PAN3: variants seen among roughly 807,000 people sequenced by gnomAD.
PAN3 encodes poly(A) specific ribonuclease subunit PAN3.
In PAN3, 19 loss-of-function variants were observed where a neutral mutation model predicts 96.2. The observed-to-expected ratio is 0.20, with a 90% CI of 0.14 to 0.29. PAN3 has a LOEUF of 0.29. PAN3 is among the 10% of genes least tolerant of loss of function. PAN3 has a pLI of 1.00. For synonymous variants in PAN3, 433 were observed against 406.6 expected, an observed-to-expected ratio of 1.06 and a Z score of -0.78; for missense variants, 882 against 1,108.1, an observed-to-expected ratio of 0.80 and a Z score of 2.90.
Position 28,143,096 on chromosome 13 carries a change from T to TTTTTTG in PAN3, c.430+4033_430+4038dup, listed in dbSNP as rs779722267. 3.5e-3 allele frequency among the ~76,000 whole-genome samples: 537 copies of TTTTTTG among 152,084 alleles called. 4 individuals carry two copies. Among genetic ancestry groups the TTTTTTG allele is most frequent in the African/African-American group, 0.012 (515 of 41,402 alleles). ...ACCTTATAAGGAAACTGCAATTTGATTTTTTGTTTTTGTTTTTGTTTTTGT... is the reference window on the plus strand; with the variant it reads ...ACCTTATAAGGAAACTGCAATTTGATTTTTTGTTTTTGTTTTTGTTTTTGTTTTTGT... On this transcript the variant is annotated intron_variant, in intron 1 of 18. Coordinates refer to ENST00000380958, the MANE Select transcript of PAN3 (RefSeq NM_175854.8).
chr13:28,207,043 A>G (rs1879458260), intron 5 of PAN3, among the ~76,000 whole-genome samples: 1 of 152,190 alleles, frequency 6.6e-6, no homozygotes, highest in Non-Finnish European at 1.5e-5. Context: ...CCCCTCTCAC[A>G]GAGGCAGGGC....
At chr13:28,155,558 C>T (rs1400928252) in intron 1 of PAN3, among the ~76,000 whole-genome samples, 2 of 151,922 alleles carry the variant, frequency 1.3e-5, no homozygotes, top group African/African-American at 4.8e-5. Context: ...CAGTGCGCTC[C>T]AGCCTGGGCA....
chr13:28,142,261 A>G (rs771012387), intron 1 of PAN3, among the ~76,000 whole-genome samples: 1 of 152,136 alleles, frequency 6.6e-6, no homozygotes, highest in Non-Finnish European at 1.5e-5. Flanking sequence ...TTTTACACTT[A>G]TTGTTCATTT....
At chr13:28,225,185 A>C (rs537835335) in intron 6 of PAN3, among the ~76,000 whole-genome samples, 4 of 152,294 alleles carry the variant, frequency 2.6e-5, no homozygotes, top group African/African-American at 9.6e-5. Flanking sequence ...TTTTAAATAA[A>C]CATTTTTAGC....
At chr13:28,165,096 C>T (rs1457600620) in intron 1 of PAN3, among the ~76,000 whole-genome samples, 6 of 151,970 alleles carry the variant, frequency 3.9e-5, no homozygotes, top group African/African-American at 1.2e-4. Flanking sequence ...TTAGTAGAGA[C>T]GGGGTTTCAC....
chr13:28,219,191 T>C (rs542141353), intron 5 of PAN3, among the ~76,000 whole-genome samples: 16 of 152,324 alleles, frequency 1.1e-4, no homozygotes, highest in Middle Eastern at 3.4e-3. Flanking sequence ...TTGGAAAATA[T>C]AGCCTCAGAC....
intron 7 of PAN3, among the ~76,000 whole-genome samples, chr13:28,257,191 G>A (rs560676232): frequency 2.0e-4 from 30 of 152,094 alleles, no homozygotes; most frequent in Middle Eastern, 3.4e-3. Flanking sequence ...GACCAAAAGA[G>A]GAAGAACATG....
intron 1 of PAN3, among the ~76,000 whole-genome samples, chr13:28,171,126 C>G (rs529399782): frequency 6.6e-6 from 1 of 152,198 alleles, no homozygotes; most frequent in Admixed American, 6.5e-5. Flanking sequence ...ACCACATGAC[C>G]CAAAATTGTT....
chr13:28,179,269 T>G (rs1410408227), intron 4 of PAN3, among the ~76,000 whole-genome samples: 1 of 152,204 alleles, frequency 6.6e-6, no homozygotes, highest in African/African-American at 2.4e-5. Context: ...CCCAGGACAA[T>G]AGACAAAGCC....
chr13:28,187,410 G>A (rs1876625535), intron 4 of PAN3, among the ~76,000 whole-genome samples: 1 of 152,148 alleles, frequency 6.6e-6, no homozygotes, highest in African/African-American at 2.4e-5. Context: ...GGTACGTATT[G>A]TGGTTCCAGT....
chr13:28,138,887 CG>C lies in PAN3; in HGVS notation c.233del (p.Gly78AlafsTer75). The C allele has an allele frequency of 1.4e-6, 2 of 1,409,790 alleles. No individual in the cohort carries two copies. The highest frequency in any genetic ancestry group is 1.8e-6 in the Non-Finnish European group (2 of 1,086,376). 87.3% of individuals were successfully genotyped at this position (1,409,790 alleles called of 1,614,324 possible). A position where few individuals can be genotyped will look rare whatever the true frequency, so the allele number is the denominator to read the frequency against. ...LHEDPAAGAA[P>X]GLGLHSNSVP... ...GAGGACCCTGCCGCCGGGGCTGCCCCGGGCCTCGGCCTCCATAGCAACAGCG... is the reference window on the plus strand; with the variant it reads ...GAGGACCCTGCCGCCGGGGCTGCCCCGGCCTCGGCCTCCATAGCAACAGCG... On this transcript the variant is annotated frameshift_variant, in exon 1 of 19. Coordinates refer to ENST00000380958, the MANE Select transcript of PAN3 (RefSeq NM_175854.8). LOFTEE classifies it high-confidence loss of function.
chr13:28,271,621 C>G (rs1886633495), intron 13 of PAN3, among the ~76,000 whole-genome samples: 1 of 152,186 alleles, frequency 6.6e-6, no homozygotes, highest in South Asian at 2.1e-4. Context: ...ATGCTTAGAA[C>G]AGTGTCTGGT....
intron 5 of PAN3, among the ~76,000 whole-genome samples, chr13:28,204,982 C>T (rs1422811344): frequency 6.6e-6 from 1 of 152,070 alleles, no homozygotes; most frequent in Non-Finnish European, 1.5e-5. Flanking sequence ...TTCCCCTTGT[C>T]TGATTAAATG....
intron 4 of PAN3, 45 bp from the exon 5 acceptor site, chr13:28,197,140 G>A (rs73156297): frequency 1.4e-4 from 223 of 1,587,530 alleles, no homozygotes; most frequent in Middle Eastern, 1.0e-3. Context: ...AGATTAGTGT[G>A]GGGGATGTTA....
intron 1 of PAN3, among the ~76,000 whole-genome samples, chr13:28,154,914 G>A (rs112974501): frequency 0.036 from 5,374 of 149,508 alleles, 298 homozygotes; most frequent in African/African-American, 0.12. Flanking sequence ...TCCACCTCCC[G>A]GGTTCACGCC....
intron 1 of PAN3, among the ~76,000 whole-genome samples, chr13:28,159,404 G>C (rs142681845): frequency 1.2e-3 from 187 of 152,252 alleles, no homozygotes; most frequent in African/African-American, 4.3e-3. Context: ...TAAATATTGA[G>C]TATACATAGA....
chr13:28,230,736 T>TA (rs1882455619), intron 6 of PAN3, among the ~76,000 whole-genome samples: 1 of 152,178 alleles, frequency 6.6e-6, no homozygotes, highest in Non-Finnish European at 1.5e-5. Context: ...AACTAAATCT[T>TA]ACTTTTTTGT....
At chr13:28,192,155 C>T (rs553768888) in intron 4 of PAN3, among the ~76,000 whole-genome samples, 75 of 151,830 alleles carry the variant, frequency 4.9e-4, no homozygotes, top group Admixed American at 2.6e-3. Context: ...CTGCAGCCTC[C>T]GCCTCCTGGG....
chr13:28,239,483 A>AT, intron 6 of PAN3: 7 of 564,484 alleles, frequency 1.2e-5, no homozygotes, highest in Non-Finnish European at 1.9e-5. Flanking sequence ...AAGTTGAACT[A>AT]TTTTTTTGGA....
Sources: allele counts gnomAD v4.1 joint callset (sites outside exome capture counted in the v4.1 genomes callset), GRCh38; gene constraint gnomAD v4.1.1; transcripts MANE v1.5; gene names NCBI Gene and HGNC (gene_info 2026-07-23, HGNC 2026-07-21).